The following DMAC2L variants were observed in gnomAD, a reference collection of about 807,000 sequenced individuals.
The protein encoded by DMAC2L is ATP synthase subunit s, mitochondrial.
In DMAC2L, 21 loss-of-function variants were observed where a neutral mutation model predicts 22.5. The observed-to-expected ratio is 0.93, with a 90% CI of 0.66 to 1.34. The LOEUF is 1.34. DMAC2L is among the 40% of genes most tolerant of loss of function. The pLI, the probability that DMAC2L is intolerant of heterozygous loss-of-function variation, is 0.00. For missense variants in DMAC2L, 239 were observed against 246.5 expected (o/e 0.97, Z 0.20); for synonymous variants, 86 against 89.5 (o/e 0.96, Z 0.22).
chr14:50,317,771 C>CA (rs202116755), intron 2 of DMAC2L, among the ~76,000 whole-genome samples: 110 of 139,532 alleles, frequency 7.9e-4, no homozygotes, highest in Middle Eastern at 3.6e-3. Flanking sequence ...ACACTATCTC[C>CA]AAAAAAAAAA....
intron 2 of DMAC2L, among the ~76,000 whole-genome samples, chr14:50,318,333 T>C (rs1428185061): frequency 6.6e-6 from 1 of 152,208 alleles, no homozygotes; most frequent in Non-Finnish European, 1.5e-5. Context: ...TTTTGTTACC[T>C]CTATTGCCAA....
chr14:50,322,597 A>T lies in DMAC2L; in HGVS notation c.194A>T (p.His65Leu). 1 of 1,614,172 alleles carries T rather than the reference A, an allele frequency of 6.2e-7. No homozygotes were observed. Among genetic ancestry groups the T allele is most frequent in the Non-Finnish European group, 8.5e-7 (1 of 1,180,028 alleles). Residue 65 changes from histidine to leucine, a missense_variant, in exon 4 of 6, where the codon CAT becomes CTT. Coordinates refer to ENST00000557421, the MANE Select transcript of DMAC2L (RefSeq NM_001382507.1). ...LLRCGAMVRY[H>L]GQERWQKDYN... ...CGCTGTGGGGCCATGGTGCGCTACC[A>T]TGGCCAGGAGAGGTGGCAGAAGGAC...
chr14:50,321,591 A>G lies in DMAC2L; in HGVS notation c.104A>G (p.Asn35Ser), dbSNP rs1158370422. Residue 35 changes from asparagine to serine, a missense_variant, in exon 3 of 6, where the codon AAT becomes AGT. By Grantham distance (46) the Asn-to-Ser change is conservative (BLOSUM62 1). Coordinates refer to ENST00000557421, the MANE Select transcript of DMAC2L (RefSeq NM_001382507.1). ...YFWGWLNAVF[N>S]KVDYDRIRDV... ...TGGGGCTGGTTGAATGCAGTGTTTA[A>G]TAAGTAAGTTACTCTAAATAAAGTG... 1 of 1,606,904 alleles carries G rather than the reference A, an allele frequency of 6.2e-7. No individual in the cohort carries two copies. Among genetic ancestry groups the G allele is most frequent in the Non-Finnish European group, 8.5e-7 (1 of 1,173,566 alleles).
intron 2 of DMAC2L, among the ~76,000 whole-genome samples, chr14:50,315,566 G>T (rs754365573): frequency 6.7e-6 from 1 of 150,146 alleles, no homozygotes; most frequent in Non-Finnish European, 1.5e-5. Context: ...GGAGGCTGAG[G>T]CAGGGGAATC....
chr14:50,312,036 C>CA, upstream of DMAC2L: 1 of 1,581,106 alleles, frequency 6.3e-7, no homozygotes, highest in East Asian at 2.3e-5. Context: ...CGGCTACCTC[C>CA]ACACAGCGGT....
chr14:50,312,321 G>C (rs1217863093), upstream of DMAC2L: 1 of 946,738 alleles, frequency 1.1e-6, no homozygotes, highest in Non-Finnish European at 1.6e-6. Context: ...GTCGGAGGGC[G>C]AAGGGCCGGC....
intron 4 of DMAC2L, 127 bp from the exon 5 acceptor site, chr14:50,323,818 A>G (rs2032493994): frequency 5.6e-6 from 4 of 717,474 alleles, no homozygotes; most frequent in Admixed American, 2.7e-5. Flanking sequence ...TCCAGTTTTC[A>G]TGGAACTAAG....
chr14:50,312,234 C>CGTGAGGGGCGGGG, upstream of DMAC2L: 2 of 1,556,924 alleles, frequency 1.3e-6, no homozygotes, highest in Non-Finnish European at 1.7e-6. Flanking sequence ...TTTAGCCCCG[C>CGTGAGGGGCGGGG]CCCTCACGCG....
intron 5 of DMAC2L, 52 bp from the exon 6 acceptor site, chr14:50,325,557 T>G (rs1033672286): frequency 1.3e-6 from 2 of 1,527,776 alleles, no homozygotes; most frequent in Non-Finnish European, 1.8e-6. Flanking sequence ...TAAATTGAAT[T>G]TATTTTTAAT....
Position 50,321,639 on chromosome 14 carries a change from GC to G in DMAC2L, c.107+46del. On this transcript the variant is annotated intron_variant, in intron 3 of 5. Transcript: ENST00000557421. Reference sequence around the variant, plus strand: ...GTGAAGAAATGTGGAGATGGTTACAGCTAAATAAGTTCCCAATAGCTTGTTT... The same window carrying G: ...GTGAAGAAATGTGGAGATGGTTACAGTAAATAAGTTCCCAATAGCTTGTTT... 3 of 1,410,236 alleles carry G rather than the reference GC, an allele frequency of 2.1e-6. No homozygotes were observed. The South Asian group carries it at 3.5e-5, about 16-fold the overall frequency. 87.4% of individuals were successfully genotyped at this position (1,410,236 alleles called of 1,614,324 possible).
At chr14:50,315,199 C>T (rs184808523) in intron 2 of DMAC2L, among the ~76,000 whole-genome samples, 1 of 151,442 alleles carries the variant, frequency 6.6e-6, no homozygotes, top group African/African-American at 2.4e-5. Flanking sequence ...ATCTCCTGGC[C>T]TCGTGATCCA....
chr14:50,312,779 C>T (rs1566549836), intron 1 of DMAC2L: 2 of 525,732 alleles, frequency 3.8e-6, no homozygotes, highest in Non-Finnish European at 6.7e-6. Context: ...CGGCCCTAAT[C>T]CTCGCTCCTC....
intron 4 of DMAC2L, 144 bp from the exon 5 acceptor site, chr14:50,323,801 C>T (rs2032492930): frequency 3.2e-6 from 2 of 624,802 alleles, no homozygotes; most frequent in Admixed American, 3.0e-5. Flanking sequence ...ATAGGGTGAG[C>T]AGTCATTCCA....
intron 2 of DMAC2L, among the ~76,000 whole-genome samples, chr14:50,316,870 A>G (rs561198546): frequency 6.6e-6 from 1 of 152,208 alleles, no homozygotes; most frequent in Non-Finnish European, 1.5e-5. Flanking sequence ...TGCTTTGGCT[A>G]TGTGGGCTCT....
At position 50,325,849 on chromosome 14, in the gene DMAC2L, T is replaced by C; in HGVS notation, c.*126T>C. 1.4e-6 allele frequency: 2 copies of C among 1,384,120 alleles called. No individual in the cohort carries two copies. Among genetic ancestry groups the C allele is most frequent in the Admixed American group, 3.0e-5 (1 of 33,166 alleles). The allele number at this position is 1,384,120 out of a possible 1,614,324, so 85.7% of individuals were successfully genotyped here. A position where few individuals can be genotyped will look rare whatever the true frequency, so the allele number is the denominator to read the frequency against. On this transcript the variant is annotated 3_prime_UTR_variant, in exon 6 of 6. Transcript: ENST00000557421. ...ATCATGACATTTTAGAAGTGGAGAG[T>C]GCATCATATGTAGAAAATAAATATT...
chr14:50,317,627 G>A lies in DMAC2L; in HGVS notation c.-6+3001G>A, dbSNP rs113080099. On this transcript the variant is annotated intron_variant, in intron 2 of 5. Transcript: ENST00000557421. ...CTACTAAAAATACAAAAAATTAGCC[G>A]GACGTGGTGGTGGGCGCCTGTAATC... Among the ~76,000 whole-genome samples the A allele has an allele frequency of 6.6e-3, 1,010 of 152,178 alleles. 12 individuals are homozygous for A. The highest frequency in any genetic ancestry group is 0.022 in the African/African-American group (911 of 41,510).
chr14:50,319,005 A>G (rs1566556475), intron 2 of DMAC2L: 1 of 985,038 alleles, frequency 1.0e-6, no homozygotes. Context: ...GACATTCAAT[A>G]AACATTTTTT....
chr14:50,319,152 A>G, intron 2 of DMAC2L: 1 of 1,524,028 alleles, frequency 6.6e-7, no homozygotes, highest in Non-Finnish European at 8.8e-7. Flanking sequence ...ATATTTGTAA[A>G]TAAGATTGAC....
At chr14:50,323,126 C>G (rs1156388685) in intron 4 of DMAC2L, 9 of 803,246 alleles carry the variant, frequency 1.1e-5, no homozygotes, top group African/African-American at 1.9e-5. Flanking sequence ...TGCTCTGTCG[C>G]CTAGGCTGGA....
Sources: allele counts gnomAD v4.1 joint callset (sites outside exome capture counted in the v4.1 genomes callset), GRCh38; gene constraint gnomAD v4.1.1; transcripts MANE v1.5; gene names NCBI Gene and HGNC (gene_info 2026-07-23, HGNC 2026-07-21).